Variants in FASTKD1 observed in about 807,000 individuals in gnomAD.
FASTKD1 encodes FAST kinase domain-containing protein 1, mitochondrial.
A neutral mutation model predicts 90.9 loss-of-function variants in FASTKD1; 94 were observed. The ratio of observed to expected loss-of-function variants is 1.03; its 90% CI spans 0.88 to 1.23. FASTKD1 has a LOEUF of 1.23. Ranked by LOEUF, FASTKD1 falls within the 50% of genes most tolerant of loss-of-function variation. The pLI, the probability that FASTKD1 is intolerant of heterozygous loss-of-function variation, is 0.00. For synonymous variants in FASTKD1, 319 were observed against 345.8 expected (o/e 0.92, Z 0.86); for missense variants, 945 against 993.5 (o/e 0.95, Z 0.66).
At chr2:169,531,191 T>C in intron 13 of FASTKD1, 161 bp downstream of exon 13, 9 of 807,968 alleles carry the variant, frequency 1.1e-5, no homozygotes, top group South Asian at 2.7e-5. Flanking sequence ...AGGGAGAACA[T>C]TAAAGCAGAA....
rs189443120 is a variant in FASTKD1, at chr2:169,530,597, C to T, written c.2432G>A (p.Arg811His). ...ATGAGTATTTCATACCTGAATTACACGATACCCCAGAATTTCCAAATGTCG... is the reference window on the plus strand; with the variant it reads ...ATGAGTATTTCATACCTGAATTACATGATACCCCAGAATTTCCAAATGTCG... The part of the protein sequence containing the change: ...KKRHLEILGY[R>H]VIQISQFEWN... The change falls in exon 14 of 15, where the codon CGT becomes CAT. Residue 811 changes from arginine to histidine, a missense_variant. By Grantham distance (29) the Arg-to-His change is conservative. Coordinates refer to ENST00000453153, the MANE Select transcript of FASTKD1 (RefSeq NM_024622.6). The T allele has an allele frequency of 1.8e-5, 29 of 1,597,198 alleles. 1 individual carries two copies. Among genetic ancestry groups the T allele is most frequent in the Middle Eastern group, 1.7e-4 (1 of 5,988 alleles).
intron 6 of FASTKD1, among the ~76,000 whole-genome samples, chr2:169,556,461 G>A (rs1055373358): frequency 6.8e-6 from 1 of 148,006 alleles, no homozygotes; most frequent in South Asian, 2.1e-4. Flanking sequence ...AAAAAAAAAC[G>A]GCCAGGCACA....
intron 8 of FASTKD1, 122 bp downstream of exon 8, chr2:169,546,096 C>A: frequency 9.1e-7 from 1 of 1,097,808 alleles, no homozygotes; most frequent in East Asian, 2.5e-5. Context: ...ACATCTGACC[C>A]AGAATTTATT....
At chr2:169,532,099 C>G (rs1158387872) in intron 12 of FASTKD1, among the ~76,000 whole-genome samples, 2 of 152,104 alleles carry the variant, frequency 1.3e-5, no homozygotes, top group African/African-American at 2.4e-5. Flanking sequence ...TGACAACATA[C>G]GAACCCACTG....
chr2:169,562,148 AAATT>A (rs1368308399), intron 4 of FASTKD1, among the ~76,000 whole-genome samples: 1 of 144,618 alleles, frequency 6.9e-6, no homozygotes, highest in Admixed American at 7.0e-5. Context: ...AATTTATTGT[AAATT>A]AATTATTTAT....
chr2:169,547,680 C>T (rs1685264080), intron 7 of FASTKD1, among the ~76,000 whole-genome samples: 1 of 151,794 alleles, frequency 6.6e-6, no homozygotes, highest in East Asian at 1.9e-4. Flanking sequence ...GGGTTCGAGA[C>T]CAGTCTGGCC....
intron 10 of FASTKD1, among the ~76,000 whole-genome samples, chr2:169,539,422 C>A (rs1312965665): frequency 6.6e-6 from 1 of 151,972 alleles, no homozygotes; most frequent in Non-Finnish European, 1.5e-5. Flanking sequence ...CCAGCCTGGG[C>A]AACATAGCAA....
At chr2:169,558,042 G>C (rs920181544) in intron 5 of FASTKD1, among the ~76,000 whole-genome samples, 3 of 151,976 alleles carry the variant, frequency 2.0e-5, no homozygotes, top group South Asian at 2.1e-4. Flanking sequence ...TCTCACTTCT[G>C]TCTGCTCACA....
At position 169,529,833 on chromosome 2, in the gene FASTKD1, ATGACT is replaced by A. The variant is rs756563311; in HGVS notation, c.2531_2535del (p.Lys844MetfsTer7). The A allele has an allele frequency of 6.8e-6, 11 of 1,607,270 alleles. No homozygotes were observed. Among genetic ancestry groups the A allele is most frequent in the Non-Finnish European group, 9.4e-6 (11 of 1,175,502 alleles). On this transcript the variant is annotated frameshift_variant, in exon 15 of 15. Coordinates refer to ENST00000453153, the MANE Select transcript of FASTKD1 (RefSeq NM_024622.6). LOFTEE classifies it high-confidence loss of function. ...TTCATTTTAAATAAAAACTACAAACATGACTTGACTTCTCCAAATATACATTCTCT... is the reference window on the plus strand; with the variant it reads ...TTCATTTTAAATAAAAACTACAAACATGACTTCTCCAAATATACATTCTCT...
intron 6 of FASTKD1, among the ~76,000 whole-genome samples, chr2:169,556,690 T>C (rs929946885): frequency 6.6e-6 from 1 of 151,596 alleles, no homozygotes; most frequent in Admixed American, 6.6e-5. Flanking sequence ...CCAGGCGTGG[T>C]GGCACACGCC....
At chr2:169,568,488 C>A (rs183847317) in intron 3 of FASTKD1, among the ~76,000 whole-genome samples, 142 of 151,778 alleles carry the variant, frequency 9.4e-4, no homozygotes, top group Non-Finnish European at 1.4e-3. Flanking sequence ...GAAATACTTT[C>A]TTTTCTCTCT....
At chr2:169,536,409 T>C (rs567984637) in intron 12 of FASTKD1, among the ~76,000 whole-genome samples, 1 of 150,728 alleles carries the variant, frequency 6.6e-6, no homozygotes, top group East Asian at 1.9e-4. Flanking sequence ...ATGCAAAAAA[T>C]ATATATATAT....
In FASTKD1 at chr2:169,561,846, TATTA is replaced by T. The variant is rs1200703591; in HGVS notation, c.573-1065_573-1062del. ...ATTTATTAATTTATTGTAAATTATT[TATTA>T]ATTTATTGTAAAATAATTATTTATT... On this transcript the variant is annotated intron_variant, in intron 4 of 14. Transcript: ENST00000453153. 2.1e-5 allele frequency among the ~76,000 whole-genome samples: 3 copies of T among 143,038 alleles called. 1 individual carries two copies. The South Asian group carries it at 6.4e-4, about 30-fold the overall frequency. The allele number at this position is 143,038 out of a possible 152,430, so 93.8% of individuals were successfully genotyped here.
intron 4 of FASTKD1, 121 bp downstream of exon 4, chr2:169,563,104 G>T: frequency 1.1e-6 from 1 of 915,114 alleles, no homozygotes; most frequent in East Asian, 2.7e-5. Flanking sequence ...TGAGGATAAC[G>T]AACTTCCAAG....
intron 3 of FASTKD1, 135 bp downstream of exon 3, chr2:169,569,049 C>A: frequency 1.0e-5 from 7 of 679,184 alleles, no homozygotes; most frequent in Non-Finnish European, 1.8e-5. Flanking sequence ...AACTTTAAAA[C>A]TAAACTGAGT....
At chr2:169,572,464 G>A (rs1684276848) in intron 1 of FASTKD1, among the ~76,000 whole-genome samples, 1 of 151,506 alleles carries the variant, frequency 6.6e-6, no homozygotes, top group Admixed American at 6.6e-5. Flanking sequence ...GAGGAAAATT[G>A]TTTAAAATAA....
intron 2 of FASTKD1, among the ~76,000 whole-genome samples, chr2:169,569,648 C>G (rs547565255): frequency 6.6e-6 from 1 of 152,008 alleles, no homozygotes; most frequent in Non-Finnish European, 1.5e-5. Flanking sequence ...GTCAGGAGTT[C>G]GAGACCAGCC....
intron 6 of FASTKD1, among the ~76,000 whole-genome samples, chr2:169,555,878 G>C (rs1683276398): frequency 6.6e-6 from 1 of 152,166 alleles, no homozygotes; most frequent in African/African-American, 2.4e-5. Context: ...GACAATTCAA[G>C]TTCATATAGA....
chr2:169,536,680 T>C (rs1255661944), intron 12 of FASTKD1, among the ~76,000 whole-genome samples: 3 of 152,206 alleles, frequency 2.0e-5, no homozygotes, highest in Non-Finnish European at 2.9e-5. Context: ...GAAAATTTTA[T>C]ATTGCCATCA....
Sources: allele counts gnomAD v4.1 joint callset (sites outside exome capture counted in the v4.1 genomes callset), GRCh38; gene constraint gnomAD v4.1.1; transcripts MANE v1.5; gene names NCBI Gene and HGNC (gene_info 2026-07-23, HGNC 2026-07-21).